The following STAU2 variants were observed in gnomAD, a reference collection of about 807,000 sequenced individuals.
The protein encoded by STAU2 is staufen double-stranded RNA binding protein 2.
A neutral mutation model predicts 65.9 loss-of-function variants in STAU2; 20 were observed. That is an observed-to-expected ratio of 0.30 (90% CI 0.21 to 0.44). The LOEUF (loss-of-function observed/expected upper bound fraction) is 0.44, where lower values mean the gene tolerates loss of function less well. Ranked by LOEUF, STAU2 falls within the 20% of genes least tolerant of loss-of-function variation. STAU2 has a pLI of 1.00. For missense variants in STAU2, 558 were observed against 683.9 expected, an observed-to-expected ratio of 0.82 and a Z score of 2.05; for synonymous variants, 232 against 233.9, an observed-to-expected ratio of 0.99 and a Z score of 0.07.
chr8:73,434,357 T>G (rs1178383062), intron 13 of STAU2, among the ~76,000 whole-genome samples: 1 of 151,872 alleles, frequency 6.6e-6, no homozygotes, highest in Non-Finnish European at 1.5e-5. Context: ...GACACCTGTC[T>G]GACTTCTGGC....
At chr8:73,558,510 G>A (rs1739632723) in intron 12 of STAU2, among the ~76,000 whole-genome samples, 1 of 152,206 alleles carries the variant, frequency 6.6e-6, no homozygotes, top group Non-Finnish European at 1.5e-5. Context: ...AAGAGTTGAA[G>A]AGGGACTTTT....
rs780333907 is a variant in STAU2 at position 73,420,594 on chromosome 8, C to T, written c.*778G>A. ...GCTACAACACACGGATGGGGGTGGG[C>T]GCGATTCCCACAACAGGGAGTGGAA... On this transcript the variant is annotated 3_prime_UTR_variant, in exon 15 of 15. Coordinates refer to ENST00000524300, the MANE Select transcript of STAU2 (RefSeq NM_001164380.2). The T allele has an allele frequency of 5.0e-5, 9 of 178,954 alleles. No individual in the cohort carries two copies. The highest frequency in any genetic ancestry group is 1.1e-4 in the Non-Finnish European group (9 of 82,948). 11.1% of individuals were successfully genotyped at this position (178,954 alleles called of 1,614,324 possible).
At chr8:73,466,264 T>C (rs573034168) in intron 13 of STAU2, among the ~76,000 whole-genome samples, 39 of 152,304 alleles carry the variant, frequency 2.6e-4, no homozygotes, top group African/African-American at 8.4e-4. Context: ...TACCCATGCA[T>C]CTTTATTATT....
intron 13 of STAU2, among the ~76,000 whole-genome samples, chr8:73,485,056 A>G (rs1334615615): frequency 2.7e-5 from 4 of 150,650 alleles, no homozygotes; most frequent in African/African-American, 9.8e-5. Flanking sequence ...TTTGGATTCT[A>G]TGATGCATTC....
At chr8:73,550,629 C>G in intron 13 of STAU2, 1 of 979,062 alleles carries the variant, frequency 1.0e-6, no homozygotes, top group Non-Finnish European at 1.2e-6. Context: ...TTTTCCAGTA[C>G]TTTATATAAA....
chr8:73,473,041 A>T (rs1461232270), intron 13 of STAU2, among the ~76,000 whole-genome samples: 2 of 152,166 alleles, frequency 1.3e-5, no homozygotes, highest in Non-Finnish European at 2.9e-5. Context: ...AAAATATAAC[A>T]CTCCACACAA....
intron 10 of STAU2, among the ~76,000 whole-genome samples, chr8:73,596,324 T>C (rs1029643957): frequency 2.6e-5 from 4 of 152,086 alleles, no homozygotes; most frequent in African/African-American, 9.7e-5. Context: ...TCCATCACAA[T>C]TGCTCCAAAA....
intron 12 of STAU2, among the ~76,000 whole-genome samples, chr8:73,571,191 G>A (rs1241447925): frequency 2.6e-5 from 4 of 152,168 alleles, no homozygotes; most frequent in Admixed American, 2.6e-4. Flanking sequence ...AACAAGAAGA[G>A]CTAACTATCC....
At chr8:73,674,056 G>C (rs1432321673) in intron 5 of STAU2, among the ~76,000 whole-genome samples, 1 of 147,942 alleles carries the variant, frequency 6.8e-6, no homozygotes, top group Non-Finnish European at 1.5e-5. Flanking sequence ...ATTATCTTTT[G>C]TCTAAGAAAG....
At chr8:73,425,166 A>G (rs1442023425) in intron 13 of STAU2, among the ~76,000 whole-genome samples, 1 of 152,198 alleles carries the variant, frequency 6.6e-6, no homozygotes, top group Non-Finnish European at 1.5e-5. Context: ...AACCCCCAGT[A>G]TCTCAGAATG....
chr8:73,582,682 C>A (rs2128962575), intron 12 of STAU2, 88 bp downstream of exon 12: 1 of 1,274,064 alleles, frequency 7.8e-7, no homozygotes, highest in Admixed American at 1.8e-5. Flanking sequence ...CCTCTCAGAC[C>A]CAGACAGACC....
At chr8:73,635,277 C>A (rs574425393) in intron 6 of STAU2, among the ~76,000 whole-genome samples, 3 of 152,182 alleles carry the variant, frequency 2.0e-5, no homozygotes, top group South Asian at 4.2e-4. Context: ...TGTAAAAAAA[C>A]AATCATCTAA....
At position 73,582,776 on chromosome 8, in the gene STAU2, T is replaced by C. The variant is rs1360681727; in HGVS notation, c.1216A>G (p.Asn406Asp). 1 of 1,613,324 alleles carries C rather than the reference T, an allele frequency of 6.2e-7. No individual in the cohort carries two copies. The highest frequency in any genetic ancestry group is 1.7e-5 in the Admixed American group (1 of 60,010). ...GPKPGFPEPT[N>D]NTPKGILHLS... ...CATAAAAATGAGAACTTACTATTATTTGTTGGTTCAGGAAACCCAGGCTTT... is the reference window on the plus strand; with the variant it reads ...CATAAAAATGAGAACTTACTATTATCTGTTGGTTCAGGAAACCCAGGCTTT... The change falls in exon 12 of 15, where the codon AAT becomes GAT. Residue 406 changes from asparagine to aspartate, a missense_variant. By Grantham distance (23) the Asn-to-Asp change is conservative. This residue lies in a region of STAU2 where 247 missense variants were observed against 270.1 expected (regional missense o/e 0.91). Coordinates refer to ENST00000524300, the MANE Select transcript of STAU2 (RefSeq NM_001164380.2).
At chr8:73,646,440 G>A (rs143189307) in intron 6 of STAU2, among the ~76,000 whole-genome samples, 1 of 152,194 alleles carries the variant, frequency 6.6e-6, no homozygotes, top group African/African-American at 2.4e-5. Context: ...GTGGCCAACT[G>A]TCTTTACACA....
At chr8:73,664,325 T>C (rs1235998462) in intron 6 of STAU2, among the ~76,000 whole-genome samples, 9 of 152,116 alleles carry the variant, frequency 5.9e-5, no homozygotes, top group Non-Finnish European at 1.0e-4. Flanking sequence ...TACCAGTCCT[T>C]AAGTATAATG....
At chr8:73,729,629 G>C (rs974163375) in intron 3 of STAU2, among the ~76,000 whole-genome samples, 10 of 152,082 alleles carry the variant, frequency 6.6e-5, no homozygotes, top group African/African-American at 2.4e-4. Context: ...ACCCAGGTTG[G>C]AGTGCAATGG....
At chr8:73,472,116 G>A (rs1393334990) in intron 13 of STAU2, among the ~76,000 whole-genome samples, 1 of 152,110 alleles carries the variant, frequency 6.6e-6, no homozygotes, top group Non-Finnish European at 1.5e-5. Flanking sequence ...AGGACAGGGC[G>A]GTAGTGTACT....
intron 13 of STAU2, among the ~76,000 whole-genome samples, chr8:73,469,578 C>T (rs1038780332): frequency 3.3e-5 from 5 of 151,716 alleles, no homozygotes; most frequent in African/African-American, 1.2e-4. Flanking sequence ...AGAGAGGTCA[C>T]TGAATCACAA....
intron 13 of STAU2, among the ~76,000 whole-genome samples, chr8:73,428,160 T>C (rs936676412): frequency 6.6e-6 from 1 of 152,208 alleles, no homozygotes; most frequent in Non-Finnish European, 1.5e-5. Flanking sequence ...TACCCACCAC[T>C]GTACTCTCTG....
Sources: allele counts gnomAD v4.1 joint callset (sites outside exome capture counted in the v4.1 genomes callset), GRCh38; gene constraint gnomAD v4.1.1; regional missense constraint gnomAD v4.1.1; transcripts MANE v1.5; gene names NCBI Gene and HGNC (gene_info 2026-07-23, HGNC 2026-07-21).